The following BCAT1 variants were observed in gnomAD, a reference collection of about 807,000 sequenced individuals.
BCAT1 encodes branched chain amino acid transaminase 1, also known as branched-chain-amino-acid aminotransferase, cytosolic.
A neutral mutation model predicts 52.4 loss-of-function variants in BCAT1; 48 were observed. That is an observed-to-expected ratio of 0.92 (90% CI 0.73 to 1.16). The LOEUF (loss-of-function observed/expected upper bound fraction) is 1.16, where lower values mean the gene tolerates loss of function less well. Ranked by LOEUF, BCAT1 falls within the 50% of genes most tolerant of loss-of-function variation. BCAT1 has a pLI of 0.00. For synonymous variants in BCAT1, 167 were observed against 161.3 expected, an observed-to-expected ratio of 1.04 and a Z score of -0.27; for missense variants, 451 against 457.1, an observed-to-expected ratio of 0.99 and a Z score of 0.12.
At chr12:24,853,306 C>T (rs1350857839) in intron 5 of BCAT1, among the ~76,000 whole-genome samples, 1 of 152,172 alleles carries the variant, frequency 6.6e-6, no homozygotes, top group Non-Finnish European at 1.5e-5. Context: ...AGCAACACAG[C>T]TGCAGCTGGA....
intron 1 of BCAT1, chr12:24,902,304 A>G: frequency 7.8e-7 from 1 of 1,287,704 alleles, no homozygotes; most frequent in South Asian, 2.2e-5. Flanking sequence ...TCACAGACGC[A>G]CAATAGCAAG....
chr12:24,884,748 T>C (rs879794527), intron 3 of BCAT1, among the ~76,000 whole-genome samples: 2 of 152,202 alleles, frequency 1.3e-5, no homozygotes, highest in Admixed American at 6.5e-5. Context: ...CATGACTAAG[T>C]TGAATTTATC....
chr12:24,927,323 G>C (rs570616406), intron 1 of BCAT1, among the ~76,000 whole-genome samples: 1 of 151,574 alleles, frequency 6.6e-6, no homozygotes, highest in Non-Finnish European at 1.5e-5. Flanking sequence ...AAAAAGAAAA[G>C]AAAAGAAAAG....
chr12:24,934,056 T>A (rs1943718724), intron 1 of BCAT1, among the ~76,000 whole-genome samples: 1 of 152,222 alleles, frequency 6.6e-6, no homozygotes, highest in Non-Finnish European at 1.5e-5. Context: ...GTCTGGTTCC[T>A]AGTTTCTGCC....
intron 1 of BCAT1, 142 bp from the exon 2 acceptor site, chr12:24,902,027 G>A (rs2139680853): frequency 1.3e-6 from 2 of 1,569,558 alleles, no homozygotes; most frequent in Middle Eastern, 4.5e-4. Context: ...AGACAACCAA[G>A]CACCCAGGCC....
chr12:24,881,167 T>C (rs1413551420), intron 4 of BCAT1, 134 bp downstream of exon 4: 2 of 658,094 alleles, frequency 3.0e-6, no homozygotes, highest in Non-Finnish European at 4.9e-6. Context: ...CTAAAGTAGA[T>C]CAGAAATAAT....
rs774653079 is a variant in BCAT1 at position 24,894,488 on chromosome 12, AATC to A, written c.79-16_79-14del. 1.0e-5 allele frequency: 16 copies of A among 1,567,702 alleles called. No homozygotes were observed. Among genetic ancestry groups the A allele is most frequent in the East Asian group, 4.6e-5 (2 of 43,294 alleles). ...TTAGGTCTTTAGCCTGGGGAAGAAA[AATC>A]ATCACTATTTACAGAAAAGCTACTG... On this transcript the variant is annotated splice_polypyrimidine_tract_variant and intron_variant, in intron 2 of 10. Coordinates refer to ENST00000261192, the MANE Select transcript of BCAT1 (RefSeq NM_005504.7).
chr12:24,856,848 A>G (rs912486157), intron 5 of BCAT1, among the ~76,000 whole-genome samples: 12 of 152,342 alleles, frequency 7.9e-5, no homozygotes, highest in Non-Finnish European at 1.8e-4. Flanking sequence ...CAGGTCCCTG[A>G]AACAAAAACT....
intron 5 of BCAT1, among the ~76,000 whole-genome samples, chr12:24,867,179 G>A (rs139077735): frequency 0.013 from 2,029 of 151,804 alleles, 21 homozygotes; most frequent in Non-Finnish European, 0.021. Context: ...AAGAAACTCC[G>A]AACACATCTG....
At chr12:24,919,509 C>T (rs559790356) in intron 1 of BCAT1, among the ~76,000 whole-genome samples, 2 of 152,146 alleles carry the variant, frequency 1.3e-5, no homozygotes, top group Non-Finnish European at 2.9e-5. Flanking sequence ...TGTCCCTGAA[C>T]CTCGGCCTCC....
intron 1 of BCAT1, among the ~76,000 whole-genome samples, chr12:24,944,437 C>G (rs117090647): frequency 2.6e-5 from 4 of 152,306 alleles, no homozygotes; most frequent in Non-Finnish European, 5.9e-5. Context: ...ACCCAAACTT[C>G]GTCTCAACTG....
chr12:24,900,029 CTA>C (rs1178280884), intron 2 of BCAT1, among the ~76,000 whole-genome samples: 3 of 151,088 alleles, frequency 2.0e-5, no homozygotes, highest in East Asian at 1.9e-4. Context: ...ACAATGTAGG[CTA>C]TATATATATA....
At chr12:24,915,846 C>T (rs1943398157) in intron 1 of BCAT1, among the ~76,000 whole-genome samples, 1 of 152,192 alleles carries the variant, frequency 6.6e-6, no homozygotes, top group African/African-American at 2.4e-5. Flanking sequence ...CATAAGGAAT[C>T]TCAGATTAAG....
At chr12:24,850,651 T>C (rs923957215) in intron 5 of BCAT1, among the ~76,000 whole-genome samples, 4 of 152,212 alleles carry the variant, frequency 2.6e-5, no homozygotes, top group African/African-American at 9.6e-5. Context: ...TTTTGGCCAA[T>C]CAAACGTGGC....
In BCAT1 at chr12:24,832,809, G is replaced by A; in HGVS notation, c.958C>T (p.Leu320=). The change falls in exon 9 of 11, where the codon CTG becomes TTG. Residue 320 remains leucine, a synonymous_variant. Coordinates refer to ENST00000261192, the MANE Select transcript of BCAT1 (RefSeq NM_005504.7). ...YLTMDDLTTA[L]EGNRVREMFG... is the part of the protein sequence containing the mutation. ...ATCTCTCTCACTCTGTTCCCCTCCAGGGCTGTTGTCAAGTCATCCATGGTG... is the reference window on the plus strand; with the variant it reads ...ATCTCTCTCACTCTGTTCCCCTCCAAGGCTGTTGTCAAGTCATCCATGGTG... 1 of 1,612,302 alleles carries A rather than the reference G, an allele frequency of 6.2e-7. No homozygotes were observed. Among genetic ancestry groups the A allele is most frequent in the Non-Finnish European group, 8.5e-7 (1 of 1,179,110 alleles).
chr12:24,932,902 C>T (rs1943696821), intron 1 of BCAT1, among the ~76,000 whole-genome samples: 1 of 152,140 alleles, frequency 6.6e-6, no homozygotes, highest in African/African-American at 2.4e-5. Context: ...ACTTCTGCCT[C>T]CCAGGTTCAA....
At chr12:24,891,474 G>A (rs1448921043) in intron 3 of BCAT1, among the ~76,000 whole-genome samples, 2 of 152,044 alleles carry the variant, frequency 1.3e-5, no homozygotes, top group Non-Finnish European at 2.9e-5. Context: ...GTCAACCCCA[G>A]AAACATGAAA....
Position 24,818,024 on chromosome 12 carries a change from G to A in BCAT1, c.1145C>T (p.Thr382Ile), listed in dbSNP as rs1566548846. ...IQYGREESDW[T>I]IVLS Reference sequence around the variant, plus strand: ...ATTTTCCATTCAGGATAGCACAATTGTCCAGTCGCTCTCTTCTCTTCCATA... The same window carrying A: ...ATTTTCCATTCAGGATAGCACAATTATCCAGTCGCTCTCTTCTCTTCCATA... The change falls in exon 11 of 11, where the codon ACA becomes ATA. Residue 382 changes from threonine to isoleucine, a missense_variant. Thr to Ile is a moderately conservative substitution (Grantham distance 89). Coordinates refer to ENST00000261192, the MANE Select transcript of BCAT1 (RefSeq NM_005504.7). The A allele has an allele frequency of 6.2e-7, 1 of 1,612,882 alleles. No homozygotes were observed. The highest frequency in any genetic ancestry group is 8.5e-7 in the Non-Finnish European group (1 of 1,179,364).
In BCAT1 at chr12:24,881,302, G is replaced by T; in HGVS notation, c.389C>A (p.Pro130Gln). The change falls in exon 4 of 11, where the codon CCG becomes CAG. Residue 130 changes from proline (P) to glutamine (Q), a missense_variant and splice_region_variant. Transcript: ENST00000261192. Reference protein sequence around the residue: ...MYRSAVRATLPVFDKEELLEC... With the variant: ...MYRSAVRATLQVFDKEELLEC... ...AAAGAAACTCCTACACTTACATACC[G>T]GCAGAGTTGCCCTCACAGCAGAGCG... The T allele has an allele frequency of 1.2e-6, 2 of 1,601,614 alleles. No homozygotes were observed. The highest frequency in any genetic ancestry group is 1.3e-5 in the African/African-American group (1 of 74,648).
Sources: allele counts gnomAD v4.1 joint callset (sites outside exome capture counted in the v4.1 genomes callset), GRCh38; gene constraint gnomAD v4.1.1; transcripts MANE v1.5; gene names NCBI Gene and HGNC (gene_info 2026-07-23, HGNC 2026-07-21).